Variants in EPS8L2 observed in about 807,000 individuals in gnomAD.
EPS8L2 encodes epidermal growth factor receptor kinase substrate 8-like protein 2.
EPS8L2 carries 81 observed loss-of-function variants against 99.4 expected under a neutral mutation model. The observed-to-expected ratio is 0.82, with a 90% CI of 0.68 to 0.98. The LOEUF (loss-of-function observed/expected upper bound fraction) is 0.98, where lower values mean the gene tolerates loss of function less well. Among genes scored for constraint, EPS8L2 ranks in the 50% least tolerant of loss-of-function variants. The probability of loss-of-function intolerance (pLI) is 0.00; values close to 1 mark genes in which losing one functional copy is unlikely to be tolerated. For missense variants in EPS8L2, 1,155 were observed against 968.8 expected, an observed-to-expected ratio of 1.19 and a Z score of -2.55; for synonymous variants, 509 against 407.3, an observed-to-expected ratio of 1.25 and a Z score of -3.01.
At chr11:715,650 TTG>T (rs1862004384) in intron 4 of EPS8L2, among the ~76,000 whole-genome samples, 1 of 148,152 alleles carries the variant, frequency 6.7e-6, no homozygotes, top group Non-Finnish European at 1.5e-5. Flanking sequence ...AAATGGAGTC[TTG>T]CTCTGTCGCC....
At chr11:722,887 A>T (rs933523956) in intron 14 of EPS8L2, 82 bp downstream of exon 14, 1 of 518,718 alleles carries the variant, frequency 1.9e-6, no homozygotes, top group Non-Finnish European at 2.5e-6. Flanking sequence ...CCTGACACCC[A>T]CCCCTCCCCA....
intron 4 of EPS8L2, among the ~76,000 whole-genome samples, chr11:714,423 G>C (rs1012391221): frequency 2.6e-5 from 4 of 151,334 alleles, no homozygotes; most frequent in Admixed American, 1.3e-4. Context: ...CAGAGATGGG[G>C]TTTCACCATG....
chr11:713,130 G>A (rs2133505776), intron 4 of EPS8L2, among the ~76,000 whole-genome samples: 1 of 152,358 alleles, frequency 6.6e-6, no homozygotes, highest in East Asian at 1.9e-4. Flanking sequence ...AGAGTCTGGT[G>A]GGAAGTCTCT....
At position 726,435 on chromosome 11, in the gene EPS8L2, G is replaced by A. The variant is rs776117901; in HGVS notation, c.1885G>A (p.Gly629Ser). The change falls in exon 19 of 21, where the codon GGT becomes AGT. Residue 629 changes from glycine to serine, a missense_variant. Transcript: ENST00000318562. ...PVSQPLTYES[G>S]PDEVRAWLEA... The stretch of plus-strand genomic sequence containing the variant: ...GAGCCAGCCGCTCACCTACGAGTCG[G>A]GTCCGGACGAGGTCCGCGCCTGGCT... The A allele has an allele frequency of 6.3e-7, 1 of 1,595,710 alleles. No individual in the cohort carries two copies. Among genetic ancestry groups the A allele is most frequent in the South Asian group, 1.1e-5 (1 of 88,514 alleles).
In EPS8L2 at chr11:722,006, C is replaced by T; in HGVS notation, c.984+15C>T. ...TTAACTTGCTGGTGGGTCCGGTGGC[C>T]CCAGCCCTGCCCCACTGTCTGTGCT... On this transcript the variant is annotated intron_variant, in intron 11 of 20. Transcript: ENST00000318562. 6.2e-7 allele frequency: 1 copy of T among 1,606,312 alleles called. No homozygotes were observed. Among genetic ancestry groups the T allele is most frequent in the East Asian group, 2.2e-5 (1 of 44,484 alleles).
At chr11:719,918 C>G (rs1327868734) in intron 4 of EPS8L2, 144 bp from the exon 5 acceptor site, 3 of 671,474 alleles carry the variant, frequency 4.5e-6, no homozygotes, top group African/African-American at 3.6e-5. Flanking sequence ...AGACTCCCCC[C>G]ACCAAAGGCG....
At chr11:726,024 G>A (rs1004809593) in intron 17 of EPS8L2, 74 bp from the exon 18 acceptor site, 7 of 1,306,716 alleles carry the variant, frequency 5.4e-6, no homozygotes, top group Non-Finnish European at 7.4e-6. Flanking sequence ...GATTGGCGGG[G>A]TGGGGAGGTC....
chr11:711,017 A>T lies in EPS8L2; in HGVS notation c.165+531A>T, dbSNP rs181228473. Among the ~76,000 whole-genome samples, 701 of 152,146 alleles carry T rather than the reference A, an allele frequency of 4.6e-3. 4 individuals are homozygous for T. The highest frequency in any genetic ancestry group is 0.016 in the African/African-American group (666 of 41,476). On this transcript the variant is annotated intron_variant, in intron 4 of 20. Coordinates refer to ENST00000318562, the MANE Select transcript of EPS8L2 (RefSeq NM_022772.4). ...CCTGGATGGGAAGAGCCCCTGGAGG[A>T]GATGATCATCCTGGCCCCAAAACGA...
At chr11:716,967 C>A (rs564969381) in intron 4 of EPS8L2, among the ~76,000 whole-genome samples, 1 of 152,182 alleles carries the variant, frequency 6.6e-6, no homozygotes, top group Admixed American at 6.6e-5. Flanking sequence ...TGTTTCTGCA[C>A]ACTTATTTTA....
At chr11:714,708 A>C (rs527280054) in intron 4 of EPS8L2, among the ~76,000 whole-genome samples, 12 of 150,852 alleles carry the variant, frequency 8.0e-5, no homozygotes, top group Admixed American at 1.3e-4. Flanking sequence ...GTACTGGACC[A>C]CACTGATTGA....
At chr11:707,635 G>A (rs1022407259) in intron 1 of EPS8L2, among the ~76,000 whole-genome samples, 1 of 151,950 alleles carries the variant, frequency 6.6e-6, no homozygotes, top group Non-Finnish European at 1.5e-5. Flanking sequence ...AGGGCAGGAG[G>A]CAGCCCCATA....
Position 721,960 on chromosome 11 carries a change from T to A in EPS8L2, c.953T>A (p.Phe318Tyr). 6.2e-7 allele frequency: 1 copy of A among 1,604,020 alleles called. No individual in the cohort carries two copies. The highest frequency in any genetic ancestry group is 1.7e-5 in the Admixed American group (1 of 58,594). ...TCTGAGGGCGAGTTCATCGACTGCT[T>A]CCAGAAAATCAAGCTGGCGATTAAC... Reference protein sequence around the residue: ...PPSEGEFIDCFQKIKLAINLL... With the variant: ...PPSEGEFIDCYQKIKLAINLL... Residue 318 changes from phenylalanine to tyrosine, a missense_variant, in exon 11 of 21, where the codon TTC becomes TAC. Transcript: ENST00000318562.
intron 4 of EPS8L2, among the ~76,000 whole-genome samples, chr11:715,787 A>T (rs1427382036): frequency 6.7e-6 from 1 of 149,008 alleles, no homozygotes; most frequent in African/African-American, 2.5e-5. Context: ...CGCCCAGCTA[A>T]TTTTTTGTAT....
chr11:726,239 G>A (rs1564980207), intron 18 of EPS8L2, 65 bp from the exon 19 acceptor site: 2 of 1,564,994 alleles, frequency 1.3e-6, no homozygotes, highest in Admixed American at 1.9e-5. Context: ...TGTGGGGGGG[G>A]TCCCTGGGCC....
In EPS8L2 at chr11:709,221, C is replaced by G. The variant is rs540002526; in HGVS notation, c.-78-109C>G. On this transcript the variant is annotated intron_variant, in intron 1 of 20. Transcript: ENST00000318562. ...GGATGTCGGGCAGGGGCTCTGCCCC[C>G]CAAGGGACCCCCACCCAGGCCAGGC... is the stretch of plus-strand genomic sequence containing the variant. 23 of 666,028 alleles carry G rather than the reference C, an allele frequency of 3.5e-5. No homozygotes were observed. The Admixed American group carries it at 6.1e-4, about 18-fold the overall frequency. 41.3% of individuals were successfully genotyped at this position (666,028 alleles called of 1,614,324 possible).
chr11:727,177 G>A lies in EPS8L2; in HGVS notation c.*196G>A, dbSNP rs912234177. On this transcript the variant is annotated 3_prime_UTR_variant, in exon 21 of 21. Coordinates refer to ENST00000318562, the MANE Select transcript of EPS8L2 (RefSeq NM_022772.4). ...TACCCAAGGCCTCAGCCCACACCAA[G>A]ACTAATCTCAGCCAAACCTGCTGCT... is the stretch of plus-strand genomic sequence containing the variant. The A allele has an allele frequency of 1.2e-5, 6 of 517,974 alleles. No homozygotes were observed. Among genetic ancestry groups the A allele is most frequent in the Non-Finnish European group, 1.7e-5 (5 of 292,074 alleles). 32.1% of individuals were successfully genotyped at this position (517,974 alleles called of 1,614,324 possible).
At chr11:709,229 C>A (rs1861818894) in intron 1 of EPS8L2, 101 bp from the exon 2 acceptor site, 2 of 735,458 alleles carry the variant, frequency 2.7e-6, no homozygotes, top group Non-Finnish European at 4.4e-6. Flanking sequence ...CCCCAAGGGA[C>A]CCCCACCCAG....
intron 15 of EPS8L2, among the ~76,000 whole-genome samples, chr11:723,748 C>T (rs1190078140): frequency 1.3e-5 from 2 of 152,024 alleles, no homozygotes; most frequent in African/African-American, 2.4e-5. Flanking sequence ...GCTAGTGAAG[C>T]CTCTCCCCTC....
In EPS8L2 at chr11:717,019, C is replaced by G. The variant is rs1455702792; in HGVS notation, c.166-3043C>G. ...TGAGACAGAGTCTCGCTCTGTTGCC[C>G]AGGCTGGAATGCAATGGCACGATCT... On this transcript the variant is annotated intron_variant, in intron 4 of 20. Transcript: ENST00000318562. Among the ~76,000 whole-genome samples, 3 of 152,156 alleles carry G rather than the reference C, an allele frequency of 2.0e-5. No homozygotes were observed. The East Asian group carries it at 5.8e-4, about 29-fold the overall frequency.
Sources: gnomAD v4.1 joint callset for allele counts (sites outside exome capture counted in the v4.1 genomes callset) on GRCh38, gnomAD v4.1.1 for gene constraint, MANE v1.5 for transcripts, NCBI Gene and HGNC (gene_info 2026-07-23, HGNC 2026-07-21) for gene names.